The following THEMIS variants were observed in gnomAD, a reference collection of about 807,000 sequenced individuals.
The protein encoded by THEMIS is protein THEMIS.
A neutral mutation model predicts 52.6 loss-of-function variants in THEMIS; 37 were observed. The observed-to-expected ratio is 0.70, with a 90% CI of 0.54 to 0.93. THEMIS has a LOEUF of 0.93. THEMIS is among the 40% of genes least tolerant of loss of function. The pLI is 0.00. For synonymous variants in THEMIS, 292 were observed against 272.7 expected, an observed-to-expected ratio of 1.07 and a Z score of -0.70; for missense variants, 808 against 763.1, an observed-to-expected ratio of 1.06 and a Z score of -0.69.
At chr6:127,742,698 A>T (rs1219254985) in intron 4 of THEMIS, among the ~76,000 whole-genome samples, 2 of 152,178 alleles carry the variant, frequency 1.3e-5, no homozygotes, top group Non-Finnish European at 2.9e-5. Context: ...GATGTCACTT[A>T]CATGAGATAC....
chr6:127,861,200 C>T (rs1779786317), intron 1 of THEMIS, among the ~76,000 whole-genome samples: 1 of 152,036 alleles, frequency 6.6e-6, no homozygotes, highest in African/African-American at 2.4e-5. Flanking sequence ...GACTTGGTTT[C>T]AAGTACATTT....
Position 127,708,891 on chromosome 6 carries a change from A to C in THEMIS, c.*1094T>G, listed in dbSNP as rs1773879995. 2 of 152,052 alleles carry C rather than the reference A, an allele frequency of 1.3e-5. No individual in the cohort carries two copies. Among genetic ancestry groups the C allele is most frequent in the Admixed American group, 6.6e-5 (1 of 15,254 alleles). 9.4% of individuals were successfully genotyped at this position (152,052 alleles called of 1,614,324 possible). On this transcript the variant is annotated 3_prime_UTR_variant, in exon 6 of 6. Transcript: ENST00000368248. ...TTTCTCCACAAAACATAAAATAATT[A>C]TGAGATAGGATGTTAGCTAACAAAT...
At chr6:127,700,276 A>T in the THEMIS span, among the ~76,000 whole-genome samples, 1 of 151,856 alleles carries the variant, frequency 6.6e-6, no homozygotes, top group African/African-American at 2.4e-5. Context: ...CTAGTATTTC[A>T]CTACTAATCT....
chr6:127,902,681 A>G (rs1042361207), upstream of THEMIS, among the ~76,000 whole-genome samples: 1 of 152,086 alleles, frequency 6.6e-6, no homozygotes, highest in African/African-American at 2.4e-5. Flanking sequence ...GTTTACTATC[A>G]TTAGATTCAA....
upstream of THEMIS, among the ~76,000 whole-genome samples, chr6:127,902,510 C>G (rs1781168729): frequency 2.0e-5 from 3 of 152,044 alleles, no homozygotes; most frequent in South Asian, 4.2e-4. Flanking sequence ...CTACCATGGC[C>G]ATCATGTAAA....
At chr6:127,798,613 A>G (rs1450458497) in intron 4 of THEMIS, among the ~76,000 whole-genome samples, 2 of 152,058 alleles carry the variant, frequency 1.3e-5, no homozygotes, top group Admixed American at 1.3e-4. Context: ...TATGGAAAGA[A>G]TTGAATGAGA....
chr6:127,779,638 C>T (rs1184096778), intron 4 of THEMIS, among the ~76,000 whole-genome samples: 2 of 152,094 alleles, frequency 1.3e-5, no homozygotes, highest in African/African-American at 4.8e-5. Context: ...GTAGGAAGTG[C>T]TATAATACGG....
At chr6:127,800,544 G>C (rs1018621750) in intron 4 of THEMIS, among the ~76,000 whole-genome samples, 3 of 152,196 alleles carry the variant, frequency 2.0e-5, no homozygotes, top group African/African-American at 7.2e-5. Flanking sequence ...GGTTAATACT[G>C]AGTGTTAACT....
chr6:127,745,391 G>C (rs1775353091), intron 4 of THEMIS, among the ~76,000 whole-genome samples: 1 of 151,832 alleles, frequency 6.6e-6, no homozygotes, highest in Non-Finnish European at 1.5e-5. Flanking sequence ...TCATAAGGTA[G>C]ATACTTAAAG....
chr6:127,701,347 A>T, the THEMIS span, among the ~76,000 whole-genome samples: 2 of 152,204 alleles, frequency 1.3e-5, no homozygotes, highest in Admixed American at 6.5e-5. Flanking sequence ...AAAAACATCC[A>T]AGCTGTTGCA....
chr6:127,864,424 T>G (rs2114350308), intron 1 of THEMIS, among the ~76,000 whole-genome samples: 1 of 152,250 alleles, frequency 6.6e-6, no homozygotes, highest in Non-Finnish European at 1.5e-5. Flanking sequence ...GGTCATAGAA[T>G]TTATGCTTTG....
chr6:127,917,479 AC>A (rs1260894687), intron 1 of THEMIS, among the ~76,000 whole-genome samples: 1 of 152,234 alleles, frequency 6.6e-6, no homozygotes, highest in Non-Finnish European at 1.5e-5. Context: ...TGATTACTGA[AC>A]CTAGCCTTTC....
At chr6:127,874,205 G>A (rs1780244620) in intron 1 of THEMIS, among the ~76,000 whole-genome samples, 1 of 152,092 alleles carries the variant, frequency 6.6e-6, no homozygotes, top group South Asian at 2.1e-4. Context: ...TGTTTTAATT[G>A]GATGCTTCCA....
At chr6:127,812,546 A>G (rs1484786743) in intron 4 of THEMIS, among the ~76,000 whole-genome samples, 1 of 152,204 alleles carries the variant, frequency 6.6e-6, no homozygotes, top group African/African-American at 2.4e-5. Flanking sequence ...AAAAAAAATT[A>G]ACAGAACTTC....
At chr6:127,879,591 A>G (rs1780414977) in intron 1 of THEMIS, among the ~76,000 whole-genome samples, 1 of 149,230 alleles carries the variant, frequency 6.7e-6, no homozygotes, top group African/African-American at 2.5e-5. Context: ...AAATGAGATT[A>G]GTTTCAGTGA....
downstream of THEMIS, among the ~76,000 whole-genome samples, chr6:127,706,495 A>T (rs1773800634): frequency 6.6e-6 from 1 of 152,164 alleles, no homozygotes; most frequent in South Asian, 2.1e-4. Context: ...TTCAGCAAAC[A>T]CATATTGAGT....
At chr6:127,882,255 T>C (rs1341289296) in intron 1 of THEMIS, among the ~76,000 whole-genome samples, 1 of 151,818 alleles carries the variant, frequency 6.6e-6, no homozygotes, top group Non-Finnish European at 1.5e-5. Flanking sequence ...ATATTCAACA[T>C]TTTATTATAA....
In THEMIS at chr6:127,829,574, T is replaced by A; in HGVS notation, c.611A>T (p.Asp204Val). 6.2e-7 allele frequency: 1 copy of A among 1,614,094 alleles called. No individual in the cohort carries two copies. Among genetic ancestry groups the A allele is most frequent in the Non-Finnish European group, 8.5e-7 (1 of 1,179,984 alleles). Residue 204 changes from aspartate to valine, a missense_variant, in exon 3 of 6, where the codon GAT becomes GTT. Transcript: ENST00000368248. Reference sequence around the variant, plus strand: ...CGTTGAGTCCCACTTATTTGAAAAATCTGTAAGGTTTACAGTTCTTGTTCT... The same window carrying A: ...CGTTGAGTCCCACTTATTTGAAAAAACTGTAAGGTTTACAGTTCTTGTTCT... ...KNRTRTVNLT[D>V]FSNKWDSTNP...
At chr6:127,855,334 G>T (rs772867457) in intron 1 of THEMIS, 146 bp from the exon 2 acceptor site, 5 of 618,552 alleles carry the variant, frequency 8.1e-6, no homozygotes, top group Non-Finnish European at 1.3e-5. Flanking sequence ...TTGGCAAAAT[G>T]TACAGCATAG....
Sources: gnomAD v4.1 joint callset for allele counts (sites outside exome capture counted in the v4.1 genomes callset) on GRCh38, gnomAD v4.1.1 for gene constraint, MANE v1.5 for transcripts, NCBI Gene and HGNC (gene_info 2026-07-23, HGNC 2026-07-21) for gene names.